ITPKC: variants seen among roughly 807,000 people sequenced by gnomAD.
The protein encoded by ITPKC is inositol-trisphosphate 3-kinase C, also known as IP3 3-kinase C.
Under a neutral mutation model 67.1 loss-of-function variants are expected in ITPKC, and 33 were observed. That is an observed-to-expected ratio of 0.49 (90% CI 0.37 to 0.66). The LOEUF (loss-of-function observed/expected upper bound fraction) is 0.66. ITPKC is among the 30% of genes least tolerant of loss of function. ITPKC has a pLI of 0.00. For synonymous variants in ITPKC, 341 were observed against 359.8 expected, an observed-to-expected ratio of 0.95 and a Z score of 0.59; for missense variants, 820 against 892.1, an observed-to-expected ratio of 0.92 and a Z score of 1.03.
Position 40,733,220 on chromosome 19 carries a change from G to A in ITPKC, c.1530G>A (p.Met510Ile). 3.7e-6 allele frequency: 6 copies of A among 1,614,250 alleles called. No individual in the cohort carries two copies. Among genetic ancestry groups the A allele is most frequent in the Non-Finnish European group, 5.1e-6 (6 of 1,180,044 alleles). Reference protein sequence around the residue: ...ARERPRPRKDMYEKMVAVDPG... With the variant: ...ARERPRPRKDIYEKMVAVDPG... ...AACGTCCCCGTCCCCGGAAGGACAT[G>A]TATGAGAAGATGGTGGCTGTGGACC... The change falls in exon 4 of 7, where the codon ATG (methionine) becomes ATA (isoleucine). Residue 510 changes from methionine (M) to isoleucine (I), a missense_variant. Around this residue, in one of 2 missense-constraint regions of ITPKC, gnomAD observed 339 missense variants for 422.0 expected, o/e 0.80. Transcript: ENST00000263370.
rs765878590 is a variant in ITPKC at position 40,739,380 on chromosome 19, C to G, written c.1872C>G (p.Phe624Leu). 1 of 1,613,744 alleles carries G rather than the reference C, an allele frequency of 6.2e-7. No homozygotes were observed. Among genetic ancestry groups the G allele is most frequent in the Admixed American group, 1.7e-5 (1 of 60,014 alleles). The change falls in exon 7 of 7, where the codon TTC (phenylalanine) becomes TTG (leucine). Residue 624 changes from phenylalanine (F) to leucine (L), a missense_variant. This residue lies in a region of ITPKC where 339 missense variants were observed against 422.0 expected (regional missense o/e 0.80). Coordinates refer to ENST00000263370, the MANE Select transcript of ITPKC (RefSeq NM_025194.3). ...THEVVGSSLL[F>L]VHDHTGLAKV... ...AGGTGGTAGGCAGCTCCCTCCTCTT[C>G]GTGCACGACCACACCGGCCTGGCCA...
At chr19:40,727,130 C>A (rs1007601594) in intron 2 of ITPKC, among the ~76,000 whole-genome samples, 1 of 151,928 alleles carries the variant, frequency 6.6e-6, no homozygotes, top group African/African-American at 2.4e-5. Flanking sequence ...GTCAGGAGAT[C>A]GAGACCATCC....
chr19:40,723,405 T>G (rs2082231338), intron 1 of ITPKC, among the ~76,000 whole-genome samples: 1 of 152,194 alleles, frequency 6.6e-6, no homozygotes, highest in South Asian at 2.1e-4. Flanking sequence ...TTTTGTGGTT[T>G]CCTTTGTTCT....
chr19:40,737,033 G>A lies in ITPKC; in HGVS notation c.1722G>A (p.Leu574=). The A allele has an allele frequency of 6.3e-7, 1 of 1,594,504 alleles. No individual in the cohort carries two copies. The highest frequency in any genetic ancestry group is 2.3e-5 in the East Asian group (1 of 44,172). ...CCAACTTCAAGAAGACGCAGGCACT[G>A]GAGCAGGTGACAAAAGTGCTGGAGG... ...CNTNFKKTQA[L]EQVTKVLEDF... The change falls in exon 5 of 7, where the codon CTG becomes CTA. Residue 574 remains leucine (L), a synonymous_variant. Coordinates refer to ENST00000263370, the MANE Select transcript of ITPKC (RefSeq NM_025194.3).
At chr19:40,725,129 T>A (rs1486706426) in intron 1 of ITPKC, among the ~76,000 whole-genome samples, 4 of 151,994 alleles carry the variant, frequency 2.6e-5, no homozygotes, top group African/African-American at 9.7e-5. Context: ...GGCAAAGAAT[T>A]TCCCCTATCT....
chr19:40,724,853 C>T (rs1168960997), intron 1 of ITPKC, among the ~76,000 whole-genome samples: 1 of 150,968 alleles, frequency 6.6e-6, no homozygotes, highest in Non-Finnish European at 1.5e-5. Flanking sequence ...GAGGGTGAGG[C>T]AGGAGGATCA....
rs1278860460 is a variant in ITPKC at position 40,736,978 on chromosome 19, C to T, written c.1675-8C>T. On this transcript the variant is annotated splice_region_variant and splice_polypyrimidine_tract_variant and intron_variant, in intron 4 of 6. Transcript: ENST00000263370. ...CATGACCCTGCCCCTCCACACCCTG[C>T]CCTACAGAAGGCAGATGGGACCTGT... 5.1e-6 allele frequency: 8 copies of T among 1,565,382 alleles called. No homozygotes were observed. The highest frequency in any genetic ancestry group is 6.1e-6 in the Non-Finnish European group (7 of 1,149,838).
intron 2 of ITPKC, 107 bp from the exon 3 acceptor site, chr19:40,729,095 G>C: frequency 1.2e-6 from 1 of 800,506 alleles, no homozygotes; most frequent in Non-Finnish European, 2.1e-6. Context: ...ATTGCAGGAG[G>C]GTCGGGCAAG....
chr19:40,726,778 A>G (rs975916466), intron 2 of ITPKC, among the ~76,000 whole-genome samples: 2 of 152,222 alleles, frequency 1.3e-5, no homozygotes, highest in Non-Finnish European at 2.9e-5. Flanking sequence ...ACAGCGGCTC[A>G]TGGCTGTAGT....
At chr19:40,735,101 G>A (rs1488368957) in intron 4 of ITPKC, among the ~76,000 whole-genome samples, 1 of 151,952 alleles carries the variant, frequency 6.6e-6, no homozygotes, top group East Asian at 1.9e-4. Flanking sequence ...GTATTTTTAA[G>A]AGAGGCGGGG....
At chr19:40,720,380 C>A (rs887897188) in intron 1 of ITPKC, among the ~76,000 whole-genome samples, 112 of 146,238 alleles carry the variant, frequency 7.7e-4, no homozygotes, top group African/African-American at 1.7e-3. Flanking sequence ...AAAAAAAAAA[C>A]AAAAACAACA....
chr19:40,733,148 C>A lies in ITPKC; in HGVS notation c.1470-12C>A. The A allele has an allele frequency of 6.2e-7, 1 of 1,612,884 alleles. No individual in the cohort carries two copies. The highest frequency in any genetic ancestry group is 8.5e-7 in the Non-Finnish European group (1 of 1,178,918). On this transcript the variant is annotated splice_polypyrimidine_tract_variant and intron_variant, in intron 3 of 6. Coordinates refer to ENST00000263370, the MANE Select transcript of ITPKC (RefSeq NM_025194.3). ...TACATAATTTCCTTTGTCACATCCTCTGTGTGCTCAGGACCTATCTGGAAG... is the reference window on the plus strand; with the variant it reads ...TACATAATTTCCTTTGTCACATCCTATGTGTGCTCAGGACCTATCTGGAAG...
At chr19:40,722,289 C>T (rs2082226156) in intron 1 of ITPKC, among the ~76,000 whole-genome samples, 1 of 152,074 alleles carries the variant, frequency 6.6e-6, no homozygotes, top group East Asian at 1.9e-4. Context: ...TTTGTAACAC[C>T]GAGACGATAA....
In ITPKC at chr19:40,718,106, T is replaced by A; in HGVS notation, c.971T>A (p.Leu324Gln). Residue 324 changes from leucine (L) to glutamine (Q), a missense_variant, in exon 1 of 7, where the codon CTG (leucine) becomes CAG (glutamine). By Grantham distance (113) the Leu-to-Gln change is moderately radical (BLOSUM62 -2). Coordinates refer to ENST00000263370, the MANE Select transcript of ITPKC (RefSeq NM_025194.3). ...HLYSHLKCSP[L>Q]CPVPRLIITP... ...TACTCTCACCTGAAGTGTAGCCCCC[T>A]GTGCCCTGTGCCCCGCCTCATCATT... 6.2e-7 allele frequency: 1 copy of A among 1,613,090 alleles called. No individual in the cohort carries two copies. Among genetic ancestry groups the A allele is most frequent in the Non-Finnish European group, 8.5e-7 (1 of 1,179,906 alleles).
chr19:40,730,908 C>T (rs952890709), intron 3 of ITPKC, among the ~76,000 whole-genome samples: 1 of 152,192 alleles, frequency 6.6e-6, no homozygotes, highest in African/African-American at 2.4e-5. Flanking sequence ...CAATTCAAGT[C>T]TAAAACCATC....
intron 4 of ITPKC, 110 bp from the exon 5 acceptor site, chr19:40,736,876 G>T: frequency 1.6e-6 from 1 of 639,448 alleles, no homozygotes; most frequent in Middle Eastern, 4.2e-4. Flanking sequence ...TGTTGCCCAG[G>T]CTGGTCTTGG....
At chr19:40,724,767 G>A (rs1354229428) in intron 1 of ITPKC, among the ~76,000 whole-genome samples, 1 of 151,980 alleles carries the variant, frequency 6.6e-6, no homozygotes, top group African/African-American at 2.4e-5. Context: ...TGGGCAACAT[G>A]GTGAAACCCC....
At position 40,729,287 on chromosome 19, in the gene ITPKC, C is replaced by G; in HGVS notation, c.1341C>G (p.Asp447Glu). ...EQRSLEQLMK[D>E]PLRPFVPAYY... ...GCAGCCTGGAGCAGCTGATGAAAGACCCGCTGCGACCTTTCGTGCCTGCCT... is the reference window on the plus strand; with the variant it reads ...GCAGCCTGGAGCAGCTGATGAAAGAGCCGCTGCGACCTTTCGTGCCTGCCT... The change falls in exon 3 of 7, where the codon GAC (aspartate) becomes GAG (glutamate). Residue 447 changes from aspartate (D) to glutamate (E), a missense_variant. Transcript: ENST00000263370. The G allele has an allele frequency of 6.2e-7, 1 of 1,614,154 alleles. No individual in the cohort carries two copies. Among genetic ancestry groups the G allele is most frequent in the Non-Finnish European group, 8.5e-7 (1 of 1,180,002 alleles).
intron 3 of ITPKC, among the ~76,000 whole-genome samples, chr19:40,730,612 T>C (rs538623208): frequency 4.6e-5 from 7 of 152,132 alleles, no homozygotes; most frequent in Non-Finnish European, 7.4e-5. Flanking sequence ...TTATTTTTTA[T>C]AGAGACATGG....
Sources: gnomAD v4.1 joint callset for allele counts (sites outside exome capture counted in the v4.1 genomes callset) on GRCh38, gnomAD v4.1.1 for gene constraint, gnomAD v4.1.1 regional missense constraint, MANE v1.5 for transcripts, NCBI Gene and HGNC (gene_info 2026-07-23, HGNC 2026-07-21) for gene names.